The following NOTCH3 variants were observed in gnomAD, a reference collection of about 807,000 sequenced individuals.
NOTCH3 encodes the protein neurogenic locus notch homolog protein 3.
A neutral mutation model predicts 213.3 loss-of-function variants in NOTCH3; 86 were observed. The observed-to-expected ratio is 0.40, with a 90% CI of 0.34 to 0.48. The LOEUF is 0.48. NOTCH3 is among the 20% of genes least tolerant of loss of function. NOTCH3 has a pLI of 0.57. For synonymous variants in NOTCH3, 1,354 were observed against 1,355.9 expected (o/e 1.00, Z 0.03); for missense variants, 2,783 against 3,272.6 (o/e 0.85, Z 3.65).
At chr19:15,168,557 G>A (rs2046704307) in intron 28 of NOTCH3, among the ~76,000 whole-genome samples, 1 of 152,118 alleles carries the variant, frequency 6.6e-6, no homozygotes, top group Admixed American at 6.6e-5. Flanking sequence ...ACAATGGCCG[G>A]GCACGGTGGC....
At chr19:15,162,705 C>T (rs2046654841) in intron 31 of NOTCH3, 143 bp from the exon 32 acceptor site, 1 of 694,854 alleles carries the variant, frequency 1.4e-6, no homozygotes. Context: ...TGTCTGGATC[C>T]ATGTGTGTGC....
chr19:15,186,779 G>T, intron 12 of NOTCH3, 99 bp downstream of exon 12: 1 of 949,908 alleles, frequency 1.1e-6, no homozygotes, highest in Non-Finnish European at 1.7e-6. Context: ...CAACCTCGTT[G>T]GACAAGAGTC....
intron 2 of NOTCH3, among the ~76,000 whole-genome samples, chr19:15,195,483 C>T (rs1182186668): frequency 6.6e-6 from 1 of 151,588 alleles, no homozygotes; most frequent in Non-Finnish European, 1.5e-5. Context: ...CCACCCTCCG[C>T]CCCTGGCGCG....
At chr19:15,197,728 T>TC in intron 1 of NOTCH3, 150 bp from the exon 2 acceptor site, 1 of 376,628 alleles carries the variant, frequency 2.7e-6, no homozygotes, top group Admixed American at 5.6e-5. Context: ...CATCCACAGT[T>TC]CCCACGCCCC....
At position 15,178,866 on chromosome 19, in the gene NOTCH3, G is replaced by A. The variant is rs138092938; in HGVS notation, c.3794C>T (p.Pro1265Leu). 1.9e-6 allele frequency: 3 copies of A among 1,607,846 alleles called. No homozygotes were observed. Among genetic ancestry groups the A allele is most frequent in the East Asian group, 2.2e-5 (1 of 44,668 alleles). The change falls in exon 23 of 33, where the codon CCG becomes CTG. Residue 1265 changes from proline to leucine, a missense_variant. Pro to Leu is a moderately conservative substitution (Grantham distance 98, BLOSUM62 -3). Coordinates refer to ENST00000263388, the MANE Select transcript of NOTCH3 (RefSeq NM_000435.3). ...GAAGGTCAGCCCACCCCCAGGACCC[G>A]GGCTAGGACGGCACTGGCCTCCATG... Reference protein sequence around the residue: ...CQHGGQCRPSPGPGGGLTFTC... With the variant: ...CQHGGQCRPSLGPGGGLTFTC...
At chr19:15,168,221 C>A (rs2046701877) in intron 28 of NOTCH3, among the ~76,000 whole-genome samples, 1 of 152,166 alleles carries the variant, frequency 6.6e-6, no homozygotes, top group Non-Finnish European at 1.5e-5. Flanking sequence ...CGCAGCCATT[C>A]CACCATGCTA....
At chr19:15,195,472 C>T (rs1312808426) in intron 2 of NOTCH3, among the ~76,000 whole-genome samples, 2 of 151,776 alleles carry the variant, frequency 1.3e-5, no homozygotes, top group Non-Finnish European at 2.9e-5. Flanking sequence ...CCTCTATCCC[C>T]CCACCCTCCG....
At chr19:15,173,734 AAAAAAAAGAAAAG>A (rs2046760252) in intron 25 of NOTCH3, among the ~76,000 whole-genome samples, 1 of 4,446 alleles carries the variant, frequency 2.2e-4, no homozygotes, top group African/African-American at 2.0e-3. Context: ...CAAAAAAAAA[AAAAAAAAGAAAAG>A]AAGAAGGAGA....
chr19:15,179,566 G>C (rs2145419359), intron 20 of NOTCH3, 70 bp from the exon 21 acceptor site: 1 of 1,546,922 alleles, frequency 6.5e-7, no homozygotes, highest in South Asian at 1.1e-5. Context: ...TACCCATGAA[G>C]ACGCAAAGAA....
At position 15,191,749 on chromosome 19, in the gene NOTCH3, C is replaced by A. The variant is rs2046928465; in HGVS notation, c.798G>T (p.Trp266Cys). The A allele has an allele frequency of 6.2e-7, 1 of 1,613,850 alleles. No individual in the cohort carries two copies. The highest frequency in any genetic ancestry group is 1.1e-5 in the South Asian group (1 of 91,084). Reference sequence around the variant, plus strand: ...CCCTCTGGCCGCAGTGCCCACCTGTCCACTCAGGAGGGCACTGGCAGTTAT... The same window carrying A: ...CCCTCTGGCCGCAGTGCCCACCTGTACACTCAGGAGGGCACTGGCAGTTAT... ...NTYNCQCPPE[W>C]TGQFCTEDVD... Residue 266 changes from tryptophan (W) to cysteine (C), a missense_variant, in exon 5 of 33, where the codon TGG (tryptophan) becomes TGT (cysteine). By Grantham distance (215) the Trp-to-Cys change is radical. This residue lies in a region of NOTCH3 where 708 missense variants were observed against 906.6 expected (regional missense o/e 0.78). Coordinates refer to ENST00000263388, the MANE Select transcript of NOTCH3 (RefSeq NM_000435.3).
In NOTCH3 at chr19:15,188,288, T is replaced by C. The variant is rs764890446; in HGVS notation, c.1439A>G (p.Asn480Ser). 4.4e-6 allele frequency: 7 copies of C among 1,607,998 alleles called. No individual in the cohort carries two copies. In the East Asian group the frequency reaches 8.9e-5, roughly 21 times the overall value. Reference sequence around the variant, plus strand: ...GACTCGGTCCTTGCAGACCCCACCGTTGACACAGGGGCTACTCTGACACTC... The same window carrying C: ...GACTCGGTCCTTGCAGACCCCACCGCTGACACAGGGGCTACTCTGACACTC... Reference protein sequence around the residue: ...IDECQSSPCVNGGVCKDRVNG... With the variant: ...IDECQSSPCVSGGVCKDRVNG... Residue 480 changes from asparagine to serine, a missense_variant, in exon 9 of 33, where the codon AAC becomes AGC. By Grantham distance (46) the Asn-to-Ser change is conservative. Coordinates refer to ENST00000263388, the MANE Select transcript of NOTCH3 (RefSeq NM_000435.3).
chr19:15,176,497 A>T (rs1462594085), intron 24 of NOTCH3, among the ~76,000 whole-genome samples: 1 of 152,048 alleles, frequency 6.6e-6, no homozygotes, highest in Non-Finnish European at 1.5e-5. Flanking sequence ...GTGGTGGCTC[A>T]GGCCCACAAT....
At chr19:15,180,939 G>C in intron 18 of NOTCH3, 22 bp downstream of exon 18, 1 of 1,584,850 alleles carries the variant, frequency 6.3e-7, no homozygotes, top group Non-Finnish European at 8.6e-7. Context: ...TCCTCCCCCA[G>C]GTCCCCAGTA....
At chr19:15,173,246 C>T (rs2145406819) in intron 25 of NOTCH3, among the ~76,000 whole-genome samples, 1 of 148,866 alleles carries the variant, frequency 6.7e-6, no homozygotes, top group South Asian at 2.1e-4. Flanking sequence ...ACACTGAAAC[C>T]CCGTCTCTTA....
chr19:15,189,524 G>C, intron 6 of NOTCH3, 96 bp from the exon 7 acceptor site: 1 of 1,504,736 alleles, frequency 6.6e-7, no homozygotes, highest in South Asian at 1.1e-5. Flanking sequence ...TTGTTGTTTT[G>C]TTTTGTTTTT....
chr19:15,164,552 AT>A (rs752392518), intron 31 of NOTCH3, among the ~76,000 whole-genome samples: 1,004 of 92,090 alleles, frequency 0.011, 122 homozygotes, highest in African/African-American at 0.019. Context: ...AAAAAAAAAA[AT>A]TAAAAAAAGG....
At chr19:15,163,770 G>T (rs1304761312) in intron 31 of NOTCH3, among the ~76,000 whole-genome samples, 1 of 152,250 alleles carries the variant, frequency 6.6e-6, no homozygotes, top group Non-Finnish European at 1.5e-5. Context: ...GTTTGAGGCT[G>T]CAGAGAGCCG....
At chr19:15,170,882 G>C (rs1471006156) in intron 25 of NOTCH3, 57 bp from the exon 26 acceptor site, 2 of 1,585,568 alleles carry the variant, frequency 1.3e-6, no homozygotes, top group Non-Finnish European at 1.7e-6. Context: ...TGCACCCCCT[G>C]GTACCAAGCC....
Position 15,180,975 on chromosome 19 carries a change from C to A in NOTCH3, c.2980G>T (p.Gly994Cys). The A allele has an allele frequency of 6.3e-7, 1 of 1,594,262 alleles. No individual in the cohort carries two copies. The highest frequency in any genetic ancestry group is 8.5e-7 in the Non-Finnish European group (1 of 1,171,320). The change falls in exon 18 of 33, where the codon GGC (glycine) becomes TGC (cysteine). Residue 994 changes from glycine to cysteine, a missense_variant. Physicochemically the swap from Gly to Cys is radical, Grantham distance 159. This residue lies in a region of NOTCH3 where 861 missense variants were observed against 909.1 expected (regional missense o/e 0.95). Coordinates refer to ENST00000263388, the MANE Select transcript of NOTCH3 (RefSeq NM_000435.3). ...FRCTCLESFT[G>C]PQCQTLVDWC... is the part of the protein sequence containing the mutation. ...ACTCCACCCACCTGGCACTGCGGGC[C>A]CGTGAAGCTCTCGAGGCAGGTGCAG... is the stretch of plus-strand genomic sequence containing the variant.
Sources: gnomAD v4.1 joint callset for allele counts (sites outside exome capture counted in the v4.1 genomes callset) on GRCh38, gnomAD v4.1.1 for gene constraint, gnomAD v4.1.1 regional missense constraint, MANE v1.5 for transcripts, NCBI Gene and HGNC (gene_info 2026-07-23, HGNC 2026-07-21) for gene names.